TSEN2: variants seen among roughly 807,000 people sequenced by gnomAD.
TSEN2 encodes the protein tRNA splicing endonuclease subunit 2.
TSEN2 carries 54 observed loss-of-function variants against 59.2 expected under a neutral mutation model. The ratio of observed to expected loss-of-function variants is 0.91; its 90% CI spans 0.73 to 1.14. The LOEUF (loss-of-function observed/expected upper bound fraction) is 1.14. TSEN2 is among the 50% of genes most tolerant of loss of function. The probability of loss-of-function intolerance (pLI) is 0.00; values close to 1 mark genes in which losing one functional copy is unlikely to be tolerated. For missense variants in TSEN2, 636 were observed against 576.2 expected (o/e 1.10, Z -1.06); for synonymous variants, 195 against 198.2 (o/e 0.98, Z 0.14).
intron 3 of TSEN2, 128 bp from the exon 4 acceptor site, chr3:12,496,390 G>A (rs1168340093): frequency 1.0e-6 from 1 of 993,280 alleles, no homozygotes; most frequent in Admixed American, 1.8e-5. Flanking sequence ...TGCCATTACT[G>A]ACTGGACAGT....
intron 9 of TSEN2, 30 bp downstream of exon 9, chr3:12,528,954 G>A (rs199681223): frequency 3.7e-6 from 6 of 1,612,970 alleles, no homozygotes; most frequent in South Asian, 1.1e-5. Flanking sequence ...TAAACTAATG[G>A]GTTAAAGGGA....
chr3:12,520,407 C>T (rs899002148), intron 8 of TSEN2, among the ~76,000 whole-genome samples: 1 of 152,198 alleles, frequency 6.6e-6, no homozygotes, highest in Non-Finnish European at 1.5e-5. Context: ...AATTCTGAAG[C>T]CCACGCTTTT....
chr3:12,534,094 C>T (rs2348196), downstream of TSEN2, among the ~76,000 whole-genome samples: 62,916 of 151,356 alleles, frequency 0.42, 14,033 homozygotes, highest in African/African-American at 0.58. Flanking sequence ...AAATTGCATG[C>T]AGTCAGAAAT....
chr3:12,530,810 T>TTAATG (rs2057408508), intron 10 of TSEN2: 4 of 965,518 alleles, frequency 4.1e-6, no homozygotes, highest in Non-Finnish European at 4.9e-6. Context: ...AACTGCAACT[T>TTAATG]TAATGTCGTA....
chr3:12,496,384 A>G (rs1054440929), intron 3 of TSEN2, 134 bp from the exon 4 acceptor site: 11 of 927,184 alleles, frequency 1.2e-5, no homozygotes, highest in African/African-American at 8.2e-5. Flanking sequence ...TATTTTTGCC[A>G]TTACTGACTG....
rs1214329453 is a variant in TSEN2, at chr3:12,516,646, T to G, written c.945T>G (p.Ser315Arg). 1.2e-6 allele frequency: 2 copies of G among 1,613,970 alleles called. No individual in the cohort carries two copies. The highest frequency in any genetic ancestry group is 1.7e-6 in the Non-Finnish European group (2 of 1,180,016). Residue 315 changes from serine to arginine, a missense_variant, in exon 7 of 12, where the codon AGT becomes AGG. Transcript: ENST00000284995. ...TGGTCTATGCTCTGGGATGTTTAAG[T>G]ATTTACTATGAGAAGGTAAGATGCT... ...FFLVYALGCL[S>R]IYYEKEPLTI...
intron 6 of TSEN2, among the ~76,000 whole-genome samples, chr3:12,511,441 G>A (rs375692778): frequency 1.3e-5 from 2 of 152,076 alleles, no homozygotes; most frequent in South Asian, 2.1e-4. Flanking sequence ...TCATGGTGTT[G>A]AGACAGCTGA....
chr3:12,491,348 A>G (rs923222509), intron 2 of TSEN2, among the ~76,000 whole-genome samples: 6 of 152,000 alleles, frequency 3.9e-5, no homozygotes, highest in African/African-American at 1.2e-4. Flanking sequence ...TATTCTTTCA[A>G]TTTTCTGTGT....
intron 7 of TSEN2, among the ~76,000 whole-genome samples, chr3:12,517,806 A>G (rs962737608): frequency 2.6e-5 from 4 of 152,184 alleles, no homozygotes; most frequent in East Asian, 1.9e-4. Flanking sequence ...CAGCTGTGAC[A>G]TAAAAGCCTC....
At chr3:12,497,486 A>T in intron 4 of TSEN2, among the ~76,000 whole-genome samples, 1 of 152,144 alleles carries the variant, frequency 6.6e-6, no homozygotes, top group East Asian at 1.9e-4. Context: ...CTGTAACCTC[A>T]GGTTGGGGTC....
At chr3:12,524,465 C>T (rs528017875) in intron 8 of TSEN2, among the ~76,000 whole-genome samples, 2 of 152,260 alleles carry the variant, frequency 1.3e-5, no homozygotes, top group South Asian at 2.1e-4. Context: ...TGGCCCCAGG[C>T]GTTTTGTGGC....
intron 10 of TSEN2, 122 bp from the exon 11 acceptor site, chr3:12,531,448 G>GT (rs534540015): frequency 4.6e-4 from 312 of 677,836 alleles, no homozygotes; most frequent in Non-Finnish European, 5.9e-4. Context: ...GATGTGCTCT[G>GT]TGAGTTTCCA....
intron 1 of TSEN2, among the ~76,000 whole-genome samples, chr3:12,485,298 TA>T (rs2052492015): frequency 6.6e-6 from 1 of 152,202 alleles, no homozygotes; most frequent in African/African-American, 2.4e-5. Flanking sequence ...GTTTTTCTAA[TA>T]GACATTTACC....
At chr3:12,506,860 A>G (rs1296952042) in intron 6 of TSEN2, 4 of 985,204 alleles carry the variant, frequency 4.1e-6, no homozygotes, top group Non-Finnish European at 4.8e-6. Context: ...GTGCTATGGA[A>G]CACATCCATG....
chr3:12,511,565 T>C, intron 6 of TSEN2, among the ~76,000 whole-genome samples: 1 of 128,380 alleles, frequency 7.8e-6, no homozygotes, highest in African/African-American at 3.4e-5. Flanking sequence ...CAAGGATAAT[T>C]ATGCTTTTTT....
At chr3:12,535,920 C>T (rs569282326), downstream of TSEN2, among the ~76,000 whole-genome samples, 47 of 152,292 alleles carry the variant, frequency 3.1e-4, no homozygotes, top group Admixed American at 2.8e-3. Context: ...TTGATCACTC[C>T]GAGCCTTGGT....
At position 12,532,810 on chromosome 3, in the gene TSEN2, C is replaced by A; in HGVS notation, c.*89C>A. On this transcript the variant is annotated 3_prime_UTR_variant, in exon 12 of 12. Coordinates refer to ENST00000284995, the MANE Select transcript of TSEN2 (RefSeq NM_025265.4). ...TTTTTGTTGTAATCGTCCATTAATT[C>A]ATAAGTTTTAAAGGGCATGGTGCTC... 7.6e-7 allele frequency: 1 copy of A among 1,319,800 alleles called. No homozygotes were observed. Among genetic ancestry groups the A allele is most frequent in the South Asian group, 1.2e-5 (1 of 84,206 alleles). 81.8% of individuals were successfully genotyped at this position (1,319,800 alleles called of 1,614,324 possible). A position where few individuals can be genotyped will look rare whatever the true frequency, so the allele number is the denominator to read the frequency against.
rs761547224 is a variant in TSEN2 at position 12,505,247 on chromosome 3, A to G, written c.909+16A>G. 7 of 1,553,716 alleles carry G rather than the reference A, an allele frequency of 4.5e-6. 1 individual carries two copies. Among genetic ancestry groups the G allele is most frequent in the South Asian group, 4.5e-5 (4 of 89,836 alleles). ...CCTAGAAGAGGTATGTTTTCAACATATTATTATTTCAGCCATCGGTCTCTG... is the reference window on the plus strand; with the variant it reads ...CCTAGAAGAGGTATGTTTTCAACATGTTATTATTTCAGCCATCGGTCTCTG... On this transcript the variant is annotated intron_variant, in intron 6 of 11. Coordinates refer to ENST00000284995, the MANE Select transcript of TSEN2 (RefSeq NM_025265.4).
chr3:12,516,969 G>A (rs1226982992), intron 7 of TSEN2, among the ~76,000 whole-genome samples: 2 of 152,030 alleles, frequency 1.3e-5, no homozygotes, highest in Admixed American at 6.5e-5. Flanking sequence ...AAAGTTACCC[G>A]TATTTGGCAC....
Sources: gnomAD v4.1 joint callset for allele counts (sites outside exome capture counted in the v4.1 genomes callset) on GRCh38, gnomAD v4.1.1 for gene constraint, MANE v1.5 for transcripts, NCBI Gene and HGNC (gene_info 2026-07-23, HGNC 2026-07-21) for gene names.